MAB21L3: variants seen among roughly 807,000 people sequenced by gnomAD.
MAB21L3 encodes mab-21 like 3.
A neutral mutation model predicts 37.7 loss-of-function variants in MAB21L3; 36 were observed. That is an observed-to-expected ratio of 0.96 (90% CI 0.73 to 1.26). The LOEUF (loss-of-function observed/expected upper bound fraction) is 1.26. MAB21L3 is among the 50% of genes most tolerant of loss of function. The pLI is 0.00. For synonymous variants in MAB21L3, 186 were observed against 176.8 expected (o/e 1.05, Z -0.41); for missense variants, 430 against 447.3 (o/e 0.96, Z 0.35).
In MAB21L3 at chr1:116,138,070, A is replaced by G. The variant is rs996106685; in HGVS notation, c.*4705A>G. Among the ~76,000 whole-genome samples, 1 of 151,596 alleles carries G rather than the reference A, an allele frequency of 6.6e-6. No individual in the cohort carries two copies. Among genetic ancestry groups the G allele is most frequent in the Non-Finnish European group, 1.5e-5 (1 of 67,926 alleles). Reference sequence around the variant, plus strand: ...GCGCACCAGCATGGCACATGTATACATATGTAACTAACCTGCACATTGTGC... The same window carrying G: ...GCGCACCAGCATGGCACATGTATACGTATGTAACTAACCTGCACATTGTGC... On this transcript the variant is annotated 3_prime_UTR_variant, in exon 8 of 8. Transcript: ENST00000369500.
Position 116,135,010 on chromosome 1 carries a change from G to C in MAB21L3, c.*1645G>C, listed in dbSNP as rs552061561. On this transcript the variant is annotated 3_prime_UTR_variant, in exon 8 of 8. Transcript: ENST00000369500. Reference sequence around the variant, plus strand: ...AAATGAAAATGATTACTTTTCAAAAGTACTGTAAACGGCAGGAAAGATCCA... The same window carrying C: ...AAATGAAAATGATTACTTTTCAAAACTACTGTAAACGGCAGGAAAGATCCA... The C allele has an allele frequency of 7.2e-5, 11 of 152,228 alleles. No individual in the cohort carries two copies. Among genetic ancestry groups the C allele is most frequent in the Non-Finnish European group, 1.6e-4 (11 of 68,016 alleles). The allele number at this position is 152,228 out of a possible 1,614,324, so 9.4% of individuals were successfully genotyped here. A position where few individuals can be genotyped will look rare whatever the true frequency, so the allele number is the denominator to read the frequency against.
rs1278635765 is a variant in MAB21L3, at chr1:116,135,789, T to G, written c.*2424T>G. Among the ~76,000 whole-genome samples the G allele has an allele frequency of 2.0e-5, 3 of 151,964 alleles. No homozygotes were observed. Among genetic ancestry groups the G allele is most frequent in the Non-Finnish European group, 4.4e-5 (3 of 67,944 alleles). ...AAAAAGCTTATCCACCATGATCAAG[T>G]GGGCTTCATCCCTGGGATGCAAGGC... On this transcript the variant is annotated 3_prime_UTR_variant, in exon 8 of 8. Transcript: ENST00000369500.
At chr1:116,125,445 T>A (rs978757454) in intron 5 of MAB21L3, among the ~76,000 whole-genome samples, 3 of 152,200 alleles carry the variant, frequency 2.0e-5, no homozygotes, top group South Asian at 4.1e-4. Flanking sequence ...TTGGCTAAAT[T>A]AAATTATGCT....
At chr1:116,118,623 T>G (rs1659655627) in intron 3 of MAB21L3, among the ~76,000 whole-genome samples, 1 of 152,178 alleles carries the variant, frequency 6.6e-6, no homozygotes, top group African/African-American at 2.4e-5. Context: ...TCAGGACCTC[T>G]CACGGTTTAT....
chr1:116,129,022 T>A (rs538057179), intron 7 of MAB21L3, among the ~76,000 whole-genome samples: 1 of 152,358 alleles, frequency 6.6e-6, no homozygotes, highest in Admixed American at 6.5e-5. Flanking sequence ...CCTGCCCCAG[T>A]ACCTGCTGTG....
At chr1:116,123,501 T>C (rs1303476347) in intron 4 of MAB21L3, among the ~76,000 whole-genome samples, 3 of 152,196 alleles carry the variant, frequency 2.0e-5, no homozygotes, top group Non-Finnish European at 4.4e-5. Context: ...TTCCATGTCA[T>C]TCATTGTTGG....
chr1:116,124,960 G>A (rs1659860306), intron 5 of MAB21L3, among the ~76,000 whole-genome samples: 1 of 151,136 alleles, frequency 6.6e-6, no homozygotes, highest in African/African-American at 2.4e-5. Flanking sequence ...GAAAGAAATG[G>A]CTAATTTTCT....
intron 7 of MAB21L3, among the ~76,000 whole-genome samples, chr1:116,128,957 A>G (rs769589619): frequency 1.3e-5 from 2 of 152,146 alleles, no homozygotes; most frequent in Non-Finnish European, 2.9e-5. Flanking sequence ...ACATTCATTC[A>G]TGCCTTCACT....
intron 5 of MAB21L3, among the ~76,000 whole-genome samples, chr1:116,126,093 TC>T (rs1659901770): frequency 6.6e-6 from 1 of 152,216 alleles, no homozygotes; most frequent in Non-Finnish European, 1.5e-5. Flanking sequence ...AGGGAATGTT[TC>T]CCTTTTGAAC....
At chr1:116,130,752 C>T (rs1207216703) in intron 7 of MAB21L3, among the ~76,000 whole-genome samples, 1 of 152,224 alleles carries the variant, frequency 6.6e-6, no homozygotes, top group African/African-American at 2.4e-5. Context: ...CTTTTATTGC[C>T]TTATTTATTC....
chr1:116,135,533 G>A lies in MAB21L3; in HGVS notation c.*2168G>A, dbSNP rs987796670. Among the ~76,000 whole-genome samples, 145 of 152,176 alleles carry A rather than the reference G, an allele frequency of 9.5e-4. No homozygotes were observed. The highest frequency in any genetic ancestry group is 1.7e-3 in the Non-Finnish European group (116 of 67,998). On this transcript the variant is annotated 3_prime_UTR_variant, in exon 8 of 8. Transcript: ENST00000369500. ...TCCAGGACCAGATGGATTCACAGCCGAATTCTACCAGAGGTACAAGGAGGA... is the reference window on the plus strand; with the variant it reads ...TCCAGGACCAGATGGATTCACAGCCAAATTCTACCAGAGGTACAAGGAGGA...
intron 7 of MAB21L3, among the ~76,000 whole-genome samples, chr1:116,132,855 T>C (rs1273920352): frequency 6.6e-6 from 1 of 152,122 alleles, no homozygotes; most frequent in African/African-American, 2.4e-5. Flanking sequence ...GGGTTCCATT[T>C]TCCCCGTAAA....
rs540399858 is a variant in MAB21L3, at chr1:116,134,748, C to A, written c.*1383C>A. 2 of 151,948 alleles carry A rather than the reference C, an allele frequency of 1.3e-5. No homozygotes were observed. Among genetic ancestry groups the A allele is most frequent in the East Asian group, 3.9e-4 (2 of 5,130 alleles). The allele number at this position is 151,948 out of a possible 1,614,324, so 9.4% of individuals were successfully genotyped here. A position where few individuals can be genotyped will look rare whatever the true frequency, so the allele number is the denominator to read the frequency against. ...AGCTGGGCACTGAGTGCTCTTGAGC[C>A]ACCCATTTGGAATTTCACAGAGGCC... On this transcript the variant is annotated 3_prime_UTR_variant, in exon 8 of 8. Transcript: ENST00000369500.
At chr1:116,126,346 G>A (rs1289207033) in intron 5 of MAB21L3, among the ~76,000 whole-genome samples, 1 of 152,192 alleles carries the variant, frequency 6.6e-6, no homozygotes, top group East Asian at 1.9e-4. Context: ...ACTACTAGAT[G>A]CGTTAGTTTT....
At chr1:116,118,729 C>T (rs945728792) in intron 3 of MAB21L3, among the ~76,000 whole-genome samples, 3 of 152,300 alleles carry the variant, frequency 2.0e-5, no homozygotes, top group East Asian at 1.9e-4. Flanking sequence ...TCTCTTTGTG[C>T]GCCTCAGGCC....
intron 3 of MAB21L3, among the ~76,000 whole-genome samples, chr1:116,114,790 T>G (rs1040837736): frequency 1.3e-5 from 2 of 152,236 alleles, no homozygotes; most frequent in Non-Finnish European, 2.9e-5. Flanking sequence ...CCGTAAGGGA[T>G]GCAGTAGAGA....
rs1276169009 is a variant in MAB21L3 at position 116,133,963 on chromosome 1, A to C, written c.*598A>C. 6.5e-6 allele frequency: 1 copy of C among 154,562 alleles called. No individual in the cohort carries two copies. The highest frequency in any genetic ancestry group is 1.4e-5 in the Non-Finnish European group (1 of 69,732). The allele number at this position is 154,562 out of a possible 1,614,324, so 9.6% of individuals were successfully genotyped here. ...CAGCACTGACGCAAAATTGCACCTG[A>C]TGAGTTAGTGAGCCTGTGCTTCCTT... On this transcript the variant is annotated 3_prime_UTR_variant, in exon 8 of 8. Transcript: ENST00000369500.
chr1:116,114,608 G>A (rs72998768), intron 3 of MAB21L3, among the ~76,000 whole-genome samples: 14,645 of 152,246 alleles, frequency 0.096, 799 homozygotes, highest in East Asian at 0.15. Context: ...ACTGTGCTAC[G>A]GTTTGAGGGT....
intron 3 of MAB21L3, among the ~76,000 whole-genome samples, chr1:116,120,426 C>A (rs868292446): frequency 9.0e-4 from 109 of 120,476 alleles, no homozygotes; most frequent in African/African-American, 5.5e-3. Context: ...CACACACACA[C>A]ACACAAACAC....
Sources: allele counts gnomAD v4.1 joint callset (sites outside exome capture counted in the v4.1 genomes callset), GRCh38; gene constraint gnomAD v4.1.1; transcripts MANE v1.5; gene names NCBI Gene and HGNC (gene_info 2026-07-23, HGNC 2026-07-21).